Variants in ADGRB3 observed in about 807,000 individuals in gnomAD.
ADGRB3 encodes the protein brain-specific angiogenesis inhibitor 3.
In ADGRB3, 37 loss-of-function variants were observed where a neutral mutation model predicts 193.4. That is an observed-to-expected ratio of 0.19 (90% CI 0.15 to 0.25). The LOEUF (loss-of-function observed/expected upper bound fraction) is 0.25, where lower values mean the gene tolerates loss of function less well. Among genes scored for constraint, ADGRB3 ranks in the 10% least tolerant of loss-of-function variants. The pLI is 1.00. For synonymous variants in ADGRB3, 690 were observed against 644.2 expected, an observed-to-expected ratio of 1.07 and a Z score of -1.08; for missense variants, 1,637 against 1,852.9, an observed-to-expected ratio of 0.88 and a Z score of 2.14.
chr6:69,307,761 G>T (rs1161458429), intron 20 of ADGRB3, among the ~76,000 whole-genome samples: 2 of 151,268 alleles, frequency 1.3e-5, no homozygotes, highest in African/African-American at 4.9e-5. Context: ...TAGTTATCTA[G>T]TTTACTGCAG....
chr6:68,834,001 C>A (rs760218959), intron 3 of ADGRB3, among the ~76,000 whole-genome samples: 18 of 142,608 alleles, frequency 1.3e-4, no homozygotes, highest in Admixed American at 2.8e-4. Context: ...CAGCACCAAG[C>A]ACAGTGCTTA....
rs533825610 is a variant in ADGRB3 at position 69,339,878 on chromosome 6, G to T, written c.3459+374G>T. 1.2e-4 allele frequency among the ~76,000 whole-genome samples: 18 copies of T among 152,320 alleles called. No homozygotes were observed. In the Middle Eastern group the frequency reaches 0.014, roughly 115 times the overall value. On this transcript the variant is annotated intron_variant, in intron 26 of 31. Transcript: ENST00000370598. ...ACACAGTTCATGAGCATAATGCAGT[G>T]ATAGTTCTTAAGCTTATTCCCTAAC... is the stretch of plus-strand genomic sequence containing the variant.
intron 3 of ADGRB3, among the ~76,000 whole-genome samples, chr6:68,913,233 C>G (rs1331198047): frequency 6.6e-6 from 1 of 152,194 alleles, no homozygotes; most frequent in Non-Finnish European, 1.5e-5. Flanking sequence ...AATGGGCAGA[C>G]TGCCTCCTCA....
At chr6:68,695,160 A>T (rs544713534) in intron 3 of ADGRB3, among the ~76,000 whole-genome samples, 1 of 152,002 alleles carries the variant, frequency 6.6e-6, no homozygotes, top group Non-Finnish European at 1.5e-5. Flanking sequence ...TAGTGGCTGC[A>T]GTATGAGATA....
At chr6:68,713,845 T>C (rs1765446945) in intron 3 of ADGRB3, among the ~76,000 whole-genome samples, 1 of 151,760 alleles carries the variant, frequency 6.6e-6, no homozygotes, top group Non-Finnish European at 1.5e-5. Flanking sequence ...TTTATCTATT[T>C]ATATGTATAG....
intron 20 of ADGRB3, among the ~76,000 whole-genome samples, chr6:69,266,652 A>G (rs1157755139): frequency 6.6e-6 from 1 of 152,056 alleles, no homozygotes; most frequent in Non-Finnish European, 1.5e-5. Flanking sequence ...ATGTGTGCAT[A>G]CACAGATATA....
chr6:69,345,478 T>TA (rs1205790715), intron 26 of ADGRB3, among the ~76,000 whole-genome samples: 2 of 151,972 alleles, frequency 1.3e-5, no homozygotes, highest in South Asian at 4.1e-4. Context: ...ATCCATCACA[T>TA]AAAAAACAGA....
chr6:69,233,244 C>A, intron 17 of ADGRB3, 46 bp from the exon 18 acceptor site: 1 of 1,602,196 alleles, frequency 6.2e-7, no homozygotes, highest in Non-Finnish European at 8.5e-7. Flanking sequence ...ATTTGGCTAT[C>A]AGGCGTATTT....
At chr6:69,157,668 C>T (rs970912881) in intron 17 of ADGRB3, among the ~76,000 whole-genome samples, 1 of 149,384 alleles carries the variant, frequency 6.7e-6, no homozygotes, top group African/African-American at 2.5e-5. Flanking sequence ...AATTTAATTG[C>T]ATTTTTTGCC....
At chr6:69,064,343 TAACTATTTA>T (rs1464277981) in intron 16 of ADGRB3, among the ~76,000 whole-genome samples, 33 of 151,924 alleles carry the variant, frequency 2.2e-4, no homozygotes, top group Admixed American at 1.3e-3. Context: ...CTAAATAGTT[TAACTATTTA>T]AACTATTTAA....
intron 20 of ADGRB3, among the ~76,000 whole-genome samples, chr6:69,254,127 A>C (rs3799070): frequency 0.14 from 21,697 of 152,192 alleles, 2,092 homozygotes; most frequent in Middle Eastern, 0.23. Flanking sequence ...ATTTACAGTA[A>C]ATGAGAGCAA....
At chr6:68,748,812 C>T (rs533514310) in intron 3 of ADGRB3, among the ~76,000 whole-genome samples, 10 of 152,292 alleles carry the variant, frequency 6.6e-5, no homozygotes, top group African/African-American at 1.2e-4. Flanking sequence ...ATGAGGACCC[C>T]GCCCCTGCAA....
intron 3 of ADGRB3, among the ~76,000 whole-genome samples, chr6:68,731,585 G>C (rs1765776812): frequency 6.6e-6 from 1 of 151,240 alleles, no homozygotes; most frequent in South Asian, 2.1e-4. Context: ...TTAATAATAT[G>C]ATGTATCATT....
In ADGRB3 at chr6:69,276,078, G is replaced by T. The variant is rs554794635; in HGVS notation, c.2814+36852G>T. On this transcript the variant is annotated intron_variant, in intron 20 of 31. Transcript: ENST00000370598. ...TCATTCAAACTTGGCATAAACTTTG[G>T]GCTTTCTCATAAGGTAAAAAATTCA... is the stretch of plus-strand genomic sequence containing the variant. Among the ~76,000 whole-genome samples, 3 of 152,086 alleles carry T rather than the reference G, an allele frequency of 2.0e-5. No homozygotes were observed. The East Asian group carries it at 5.8e-4, about 29-fold the overall frequency.
At chr6:68,974,443 C>T (rs1488242743) in intron 8 of ADGRB3, among the ~76,000 whole-genome samples, 2 of 152,064 alleles carry the variant, frequency 1.3e-5, no homozygotes, top group African/African-American at 4.8e-5. Flanking sequence ...AGCCTGGCAA[C>T]ATAAGGAGAC....
At chr6:68,984,594 G>A (rs1769017199) in intron 10 of ADGRB3, among the ~76,000 whole-genome samples, 1 of 152,032 alleles carries the variant, frequency 6.6e-6, no homozygotes. Context: ...TAGTTAGGAG[G>A]ATGTGTAAGG....
At chr6:69,325,958 C>T (rs1247492012) in intron 21 of ADGRB3, among the ~76,000 whole-genome samples, 1 of 152,180 alleles carries the variant, frequency 6.6e-6, no homozygotes, top group African/African-American at 2.4e-5. Flanking sequence ...AATCCTAGCA[C>T]TTTGGGAAAC....
intron 3 of ADGRB3, among the ~76,000 whole-genome samples, chr6:68,642,988 A>G (rs1301025277): frequency 6.6e-6 from 1 of 152,230 alleles, no homozygotes; most frequent in Non-Finnish European, 1.5e-5. Context: ...TGGAATAAAA[A>G]TATCTTATTT....
chr6:69,149,122 A>C (rs1277527183), intron 17 of ADGRB3, among the ~76,000 whole-genome samples: 1 of 152,050 alleles, frequency 6.6e-6, no homozygotes, highest in Non-Finnish European at 1.5e-5. Context: ...TTTTGAATAA[A>C]CTTTCTACAC....
Sources: allele counts gnomAD v4.1 joint callset (sites outside exome capture counted in the v4.1 genomes callset), GRCh38; gene constraint gnomAD v4.1.1; transcripts MANE v1.5; gene names NCBI Gene and HGNC (gene_info 2026-07-23, HGNC 2026-07-21).